B3GALT1: variants seen among roughly 807,000 people sequenced by gnomAD.
The protein encoded by B3GALT1 is UDP-Gal:betaGlcNAc beta 1,3-galactosyltransferase, polypeptide 1.
In B3GALT1, 10 loss-of-function variants were observed where a neutral mutation model predicts 23.2. The ratio of observed to expected loss-of-function variants is 0.43; its 90% CI spans 0.27 to 0.73. The LOEUF (loss-of-function observed/expected upper bound fraction) is 0.73. Ranked by LOEUF, B3GALT1 falls within the 30% of genes least tolerant of loss-of-function variation. The probability of loss-of-function intolerance (pLI) is 0.21; values close to 1 mark genes in which losing one functional copy is unlikely to be tolerated. For synonymous variants in B3GALT1, 156 were observed against 141.5 expected, an observed-to-expected ratio of 1.10 and a Z score of -0.73; for missense variants, 299 against 405.4, an observed-to-expected ratio of 0.74 and a Z score of 2.25.
chr2:167,794,607 A>C (rs1401926508), intron 3 of B3GALT1, among the ~76,000 whole-genome samples: 1 of 152,202 alleles, frequency 6.6e-6, no homozygotes, highest in Non-Finnish European at 1.5e-5. Flanking sequence ...ATTTTCCTCA[A>C]CCTTGAAATT....
chr2:167,654,825 T>G (rs1429704217), intron 3 of B3GALT1, among the ~76,000 whole-genome samples: 1 of 151,610 alleles, frequency 6.6e-6, no homozygotes, highest in Non-Finnish European at 1.5e-5. Context: ...TCCACTTAAC[T>G]TTAGACTCTA....
intron 2 of B3GALT1, among the ~76,000 whole-genome samples, chr2:167,507,929 A>AT (rs759291185): frequency 1.3e-5 from 2 of 152,266 alleles, no homozygotes; most frequent in South Asian, 4.1e-4. Context: ...ATTTCTTACC[A>AT]TGCTGGAGGC....
intron 4 of B3GALT1, among the ~76,000 whole-genome samples, chr2:167,837,606 T>C (rs1689510392): frequency 3.3e-5 from 5 of 150,620 alleles, no homozygotes; most frequent in Admixed American, 3.3e-4. Flanking sequence ...CTGTCAACAT[T>C]AGACAGATCA....
intron 1 of B3GALT1, among the ~76,000 whole-genome samples, chr2:167,417,745 T>G (rs1349101396): frequency 6.6e-6 from 1 of 152,210 alleles, no homozygotes; most frequent in African/African-American, 2.4e-5. Flanking sequence ...TCAGGCCCAG[T>G]GAGTCACAGA....
intron 2 of B3GALT1, among the ~76,000 whole-genome samples, chr2:167,528,832 T>C (rs115815825): frequency 0.012 from 1,834 of 152,288 alleles, 17 homozygotes; most frequent in Middle Eastern, 0.02. Context: ...ATAGAGATCT[T>C]AGGATTCCAA....
intron 2 of B3GALT1, among the ~76,000 whole-genome samples, chr2:167,505,283 C>T (rs1291724395): frequency 6.6e-6 from 1 of 151,980 alleles, no homozygotes; most frequent in Non-Finnish European, 1.5e-5. Context: ...GATGTCTTAA[C>T]TATTAAAAAG....
intron 4 of B3GALT1, among the ~76,000 whole-genome samples, chr2:167,834,767 T>C (rs1166105659): frequency 6.6e-6 from 1 of 151,934 alleles, no homozygotes; most frequent in East Asian, 1.9e-4. Flanking sequence ...AAGAACTGCT[T>C]GAACCTAGGA....
intron 1 of B3GALT1, among the ~76,000 whole-genome samples, chr2:167,314,825 A>G (rs1696687308): frequency 6.6e-6 from 1 of 152,164 alleles, no homozygotes; most frequent in African/African-American, 2.4e-5. Flanking sequence ...TAAAGGTCAT[A>G]GAAAAGATAC....
At chr2:167,572,520 A>C (rs1275582610) in intron 2 of B3GALT1, among the ~76,000 whole-genome samples, 2 of 151,842 alleles carry the variant, frequency 1.3e-5, no homozygotes, top group African/African-American at 4.8e-5. Context: ...GTAAGCATAG[A>C]AAATGAAACA....
At chr2:167,389,599 A>G (rs956238966) in intron 1 of B3GALT1, among the ~76,000 whole-genome samples, 9 of 152,152 alleles carry the variant, frequency 5.9e-5, no homozygotes, top group African/African-American at 1.9e-4. Context: ...GGCCTCCGAA[A>G]TGGGGAATTT....
chr2:167,484,702 CAATAGG>C, intron 1 of B3GALT1, among the ~76,000 whole-genome samples: 1 of 152,126 alleles, frequency 6.6e-6, no homozygotes, highest in Admixed American at 6.5e-5. Context: ...CCCTTAGAGG[CAATAGG>C]TGGCAAATGT....
intron 4 of B3GALT1, among the ~76,000 whole-genome samples, chr2:167,839,080 T>G (rs373543806): frequency 1.4e-4 from 21 of 152,132 alleles, no homozygotes; most frequent in South Asian, 2.1e-4. Context: ...CATACTGAAT[T>G]GGCAAAAACT....
chr2:167,566,924 A>T (rs1315773324), intron 2 of B3GALT1, among the ~76,000 whole-genome samples: 1 of 152,220 alleles, frequency 6.6e-6, no homozygotes, highest in South Asian at 2.1e-4. Context: ...GTGAACCATC[A>T]TCTGAATCCC....
intron 1 of B3GALT1, among the ~76,000 whole-genome samples, chr2:167,481,640 A>G (rs1452681049): frequency 6.6e-6 from 1 of 152,186 alleles, no homozygotes; most frequent in Non-Finnish European, 1.5e-5. Flanking sequence ...AGAAAGAATG[A>G]TGGTCATGTC....
At chr2:167,765,644 C>A (rs912549829) in intron 3 of B3GALT1, among the ~76,000 whole-genome samples, 6 of 152,066 alleles carry the variant, frequency 3.9e-5, no homozygotes, top group African/African-American at 1.2e-4. Flanking sequence ...TAAAAACCAG[C>A]ATTAATACAA....
At chr2:167,491,197 AGT>A (rs937345143) in intron 2 of B3GALT1, among the ~76,000 whole-genome samples, 3 of 152,172 alleles carry the variant, frequency 2.0e-5, no homozygotes, top group Admixed American at 6.5e-5. Flanking sequence ...AAAATGTTTA[AGT>A]GCTCAGCAGG....
rs78085790 is a variant in B3GALT1 at position 167,423,730 on chromosome 2, C to A, written c.-510-66447C>A. On this transcript the variant is annotated intron_variant, in intron 1 of 4. Coordinates refer to ENST00000392690, the MANE Select transcript of B3GALT1 (RefSeq NM_020981.4). ...TTGATTGCTAGATATAGCAATCCCT[C>A]TAACTGCTAACTAGAGGCCAGCCTT... 4.8e-3 allele frequency among the ~76,000 whole-genome samples: 724 copies of A among 152,278 alleles called. 6 individuals carry two copies. Among genetic ancestry groups the A allele is most frequent in the East Asian group, 0.018 (94 of 5,186 alleles).
chr2:167,579,622 C>T (rs1255047153), intron 2 of B3GALT1, among the ~76,000 whole-genome samples: 1 of 151,864 alleles, frequency 6.6e-6, no homozygotes, highest in Non-Finnish European at 1.5e-5. Flanking sequence ...TGTACACAGG[C>T]TACTCTAAAG....
chr2:167,809,189 T>C (rs1484333666), intron 3 of B3GALT1, among the ~76,000 whole-genome samples: 1 of 152,034 alleles, frequency 6.6e-6, no homozygotes, highest in African/African-American at 2.4e-5. Flanking sequence ...ATTCGTCTAA[T>C]CTTTTTTCAA....
Sources: allele counts gnomAD v4.1 joint callset (sites outside exome capture counted in the v4.1 genomes callset), GRCh38; gene constraint gnomAD v4.1.1; transcripts MANE v1.5; gene names NCBI Gene and HGNC (gene_info 2026-07-23, HGNC 2026-07-21).